The following SPTA1 variants were observed in gnomAD, a reference collection of about 807,000 sequenced individuals.
SPTA1 encodes spectrin alpha, erythrocytic 1.
Under a neutral mutation model 324.7 loss-of-function variants are expected in SPTA1, and 177 were observed. The ratio of observed to expected loss-of-function variants is 0.55; its 90% CI spans 0.48 to 0.62. The LOEUF is 0.62. Ranked by LOEUF, SPTA1 falls within the 20% of genes least tolerant of loss-of-function variation. The pLI is 0.00. For synonymous variants in SPTA1, 1,195 were observed against 1,041.3 expected, an observed-to-expected ratio of 1.15 and a Z score of -2.84; for missense variants, 3,162 against 2,883.6, an observed-to-expected ratio of 1.10 and a Z score of -2.21.
At position 158,645,701 on chromosome 1, in the gene SPTA1, T is replaced by C. The variant is rs1222173821; in HGVS notation, c.3897-107A>G. ...CTAGAAAACATTTCCAGAATAACAT[T>C]TTTTATCTGGCTTTATATGCTTTAC... On this transcript the variant is annotated intron_variant, in intron 27 of 51. Transcript: ENST00000643759. The C allele has an allele frequency of 1.5e-5, 18 of 1,204,286 alleles. No individual in the cohort carries two copies. In the East Asian group the frequency reaches 4.2e-4, roughly 28 times the overall value. 74.6% of individuals were successfully genotyped at this position (1,204,286 alleles called of 1,614,324 possible).
intron 43 of SPTA1, among the ~76,000 whole-genome samples, chr1:158,622,401 A>T (rs1210870170): frequency 6.6e-6 from 1 of 152,094 alleles, no homozygotes; most frequent in East Asian, 1.9e-4. Flanking sequence ...CACATATTAC[A>T]ACCATACATA....
intron 20 of SPTA1, 85 bp from the exon 21 acceptor site, chr1:158,654,833 C>T: frequency 6.3e-7 from 1 of 1,587,640 alleles, no homozygotes; most frequent in South Asian, 1.1e-5. Flanking sequence ...GTCCTTTAGG[C>T]TTCCCAGGAG....
At position 158,643,272 on chromosome 1, in the gene SPTA1, C is replaced by T. The variant is rs770211752; in HGVS notation, c.4442+50G>A. ...CCCATCTCAATGCTAGCAAAAAGGTCAGTTTGCTATATCTTCCTTTGGCAC... is the reference window on the plus strand; with the variant it reads ...CCCATCTCAATGCTAGCAAAAAGGTTAGTTTGCTATATCTTCCTTTGGCAC... On this transcript the variant is annotated intron_variant, in intron 31 of 51. Transcript: ENST00000643759. 6 of 1,602,606 alleles carry T rather than the reference C, an allele frequency of 3.7e-6. No homozygotes were observed. The Admixed American group carries it at 5.0e-5, about 13-fold the overall frequency.
At chr1:158,677,638 C>A in intron 7 of SPTA1, 52 bp downstream of exon 7, 1 of 1,606,130 alleles carries the variant, frequency 6.2e-7, no homozygotes, top group Admixed American at 1.7e-5. Flanking sequence ...AGATAATCAA[C>A]AATTGCCTCT....
At chr1:158,649,825 C>G in intron 25 of SPTA1, 31 bp downstream of exon 25, 1 of 1,563,860 alleles carries the variant, frequency 6.4e-7, no homozygotes, top group South Asian at 1.1e-5. Flanking sequence ...GGTTTTAAAG[C>G]AGCACTGCTT....
chr1:158,645,637 A>T, intron 27 of SPTA1, 43 bp from the exon 28 acceptor site: 1 of 1,602,488 alleles, frequency 6.2e-7, no homozygotes, highest in Non-Finnish European at 8.6e-7. Flanking sequence ...AAACCTTGCA[A>T]CTTGCTACAG....
intron 2 of SPTA1, among the ~76,000 whole-genome samples, chr1:158,684,458 T>G (rs770280460): frequency 6.6e-6 from 1 of 152,154 alleles, no homozygotes; most frequent in Non-Finnish European, 1.5e-5. Context: ...AATTTGCAGT[T>G]GCTGTTTTGC....
intron 16 of SPTA1, among the ~76,000 whole-genome samples, chr1:158,663,878 G>C (rs182234511): frequency 4.5e-4 from 69 of 152,216 alleles, no homozygotes; most frequent in African/African-American, 1.6e-3. Flanking sequence ...AAAAAAAGAA[G>C]TTCTTCAAGA....
intron 18 of SPTA1, among the ~76,000 whole-genome samples, chr1:158,658,341 GA>G (rs1652975049): frequency 6.6e-6 from 1 of 152,166 alleles, no homozygotes; most frequent in African/African-American, 2.4e-5. Context: ...GGGTGTTACA[GA>G]GAGATAGACC....
Position 158,642,418 on chromosome 1 carries a change from G to A in SPTA1, c.4730C>T (p.Ala1577Val), listed in dbSNP as rs559257997. Residue 1577 changes from alanine to valine, a missense_variant, in exon 33 of 52, where the codon GCC becomes GTC. Physicochemically the swap from Ala to Val is moderately conservative, Grantham distance 64. Coordinates refer to ENST00000643759, the MANE Select transcript of SPTA1 (RefSeq NM_003126.4). The stretch of plus-strand genomic sequence containing the variant: ...ACTCATCCTGAGCTTTACCTTCATG[G>A]CCTCTTCATTGCCATCACAAGCGCT... Reference protein sequence around the residue: ...ECSACDGNEEAMKEQLEQLKE... With the variant: ...ECSACDGNEEVMKEQLEQLKE... 1.1e-5 allele frequency: 18 copies of A among 1,612,992 alleles called. No individual in the cohort carries two copies. Among genetic ancestry groups the A allele is most frequent in the Non-Finnish European group, 1.4e-5 (17 of 1,179,500 alleles).
chr1:158,676,578 C>A (rs750983903), intron 7 of SPTA1, among the ~76,000 whole-genome samples: 1 of 151,908 alleles, frequency 6.6e-6, no homozygotes, highest in Non-Finnish European at 1.5e-5. Context: ...TTCTTTTATG[C>A]GAAAACTGAG....
intron 35 of SPTA1, among the ~76,000 whole-genome samples, chr1:158,638,588 C>T (rs941391509): frequency 1.8e-4 from 27 of 151,812 alleles, no homozygotes; most frequent in Admixed American, 2.6e-4. Context: ...GAGGCCAAGG[C>T]GGTTGGATCA....
chr1:158,676,126 G>A lies in SPTA1; in HGVS notation c.1112+15C>T, dbSNP rs1654375666. On this transcript the variant is annotated intron_variant, in intron 8 of 51. Coordinates refer to ENST00000643759, the MANE Select transcript of SPTA1 (RefSeq NM_003126.4). The stretch of plus-strand genomic sequence containing the variant: ...GTAGAGATAGGTAGAGCAATAAAGG[G>A]GAGGGATTTCCCACCAATAAGTAGC... 1.2e-6 allele frequency: 2 copies of A among 1,613,226 alleles called. No homozygotes were observed. Among genetic ancestry groups the A allele is most frequent in the Middle Eastern group, 1.7e-4 (1 of 6,000 alleles).
Position 158,627,611 on chromosome 1 carries a change from CT to C in SPTA1, c.5664+13del, listed in dbSNP as rs755909323. ...AGAATGGAAGTTTGAGCTGGAATTC[CT>C]GAACTAGCTCACCTTATTTAGGATG... is the stretch of plus-strand genomic sequence containing the variant. On this transcript the variant is annotated intron_variant, in intron 40 of 51. Coordinates refer to ENST00000643759, the MANE Select transcript of SPTA1 (RefSeq NM_003126.4). 6.6e-5 allele frequency: 107 copies of C among 1,612,124 alleles called. No homozygotes were observed. The highest frequency in any genetic ancestry group is 8.8e-5 in the Non-Finnish European group (104 of 1,178,688).
chr1:158,667,760 C>G, intron 15 of SPTA1, 98 bp downstream of exon 15: 1 of 1,353,056 alleles, frequency 7.4e-7, no homozygotes, highest in East Asian at 2.5e-5. Context: ...AGTATACCTT[C>G]TCATAGAGGC....
At chr1:158,649,821 A>C (rs375766423) in intron 25 of SPTA1, 35 bp downstream of exon 25, 3 of 1,554,302 alleles carry the variant, frequency 1.9e-6, no homozygotes, top group East Asian at 4.5e-5. Flanking sequence ...AGTGGGTTTT[A>C]AAGCAGCACT....
rs372615791 is a variant in SPTA1, at chr1:158,656,493, C to A, written c.2898+71G>T. 312 of 1,408,356 alleles carry A rather than the reference C, an allele frequency of 2.2e-4. 1 individual carries two copies. In the South Asian group the frequency reaches 3.2e-3, roughly 15 times the overall value. 87.2% of individuals were successfully genotyped at this position (1,408,356 alleles called of 1,614,324 possible). On this transcript the variant is annotated intron_variant, in intron 20 of 51. Coordinates refer to ENST00000643759, the MANE Select transcript of SPTA1 (RefSeq NM_003126.4). ...TTTGGGGTTGTAGAAAGTAAAAAATCAGCAATAAAGACAATTTCTTTTTCT... is the reference window on the plus strand; with the variant it reads ...TTTGGGGTTGTAGAAAGTAAAAAATAAGCAATAAAGACAATTTCTTTTTCT...
At chr1:158,615,120 CTT>C in intron 48 of SPTA1, 94 bp downstream of exon 48, 1 of 1,436,510 alleles carries the variant, frequency 7.0e-7, no homozygotes, top group South Asian at 1.2e-5. Context: ...TGAAGCAACT[CTT>C]TTATCTGGTG....
chr1:158,669,234 A>G (rs1653824724), intron 14 of SPTA1, among the ~76,000 whole-genome samples, 174 bp downstream of exon 14: 1 of 152,194 alleles, frequency 6.6e-6, no homozygotes, highest in Non-Finnish European at 1.5e-5. Context: ...GATCCTTGAT[A>G]TTTAACTGTA....
Sources: gnomAD v4.1 joint callset for allele counts (sites outside exome capture counted in the v4.1 genomes callset) on GRCh38, gnomAD v4.1.1 for gene constraint, MANE v1.5 for transcripts, NCBI Gene and HGNC (gene_info 2026-07-23, HGNC 2026-07-21) for gene names.